The following CCBE1 variants were observed in gnomAD, a reference collection of about 807,000 sequenced individuals.
CCBE1 encodes collagen and calcium binding EGF domains 1, also known as collagen and calcium-binding EGF domain-containing protein 1.
CCBE1 carries 37 observed loss-of-function variants against 50.0 expected under a neutral mutation model. The ratio of observed to expected loss-of-function variants is 0.74; its 90% CI spans 0.57 to 0.97. CCBE1 has a LOEUF of 0.97. CCBE1 is among the 50% of genes least tolerant of loss of function. The probability of loss-of-function intolerance (pLI) is 0.00; values close to 1 mark genes in which losing one functional copy is unlikely to be tolerated. For synonymous variants in CCBE1, 234 were observed against 203.7 expected (o/e 1.15, Z -1.27); for missense variants, 538 against 523.8 (o/e 1.03, Z -0.26).
chr18:59,660,152 T>C (rs2054263118), intron 2 of CCBE1, among the ~76,000 whole-genome samples: 1 of 152,182 alleles, frequency 6.6e-6, no homozygotes, highest in Non-Finnish European at 1.5e-5. Context: ...AAATCCAGCC[T>C]GCACTCCCTC....
rs1370114025 is a variant in CCBE1, at chr18:59,470,496, A to C, written c.266-889T>G. 2.0e-5 allele frequency among the ~76,000 whole-genome samples: 3 copies of C among 152,154 alleles called. No homozygotes were observed. In the East Asian group the frequency reaches 5.8e-4, roughly 29 times the overall value. On this transcript the variant is annotated intron_variant, in intron 3 of 10. Coordinates refer to ENST00000439986, the MANE Select transcript of CCBE1 (RefSeq NM_133459.4). ...CGATGCTTATGTGTGTATACTGTAT[A>C]AGTGTGCATCCTGGGGGGTTGATCT... is the stretch of plus-strand genomic sequence containing the variant.
chr18:59,498,608 G>A (rs1032553139), intron 2 of CCBE1, among the ~76,000 whole-genome samples: 3 of 152,212 alleles, frequency 2.0e-5, no homozygotes, highest in Non-Finnish European at 2.9e-5. Context: ...AGCAAAGCAG[G>A]CAAGAGTAAG....
chr18:59,613,765 G>C (rs2053600898), intron 2 of CCBE1, among the ~76,000 whole-genome samples: 1 of 150,434 alleles, frequency 6.6e-6, no homozygotes, highest in Admixed American at 6.6e-5. Context: ...ATATCAATAT[G>C]GTTAGTTCTT....
intron 6 of CCBE1, among the ~76,000 whole-genome samples, chr18:59,451,598 T>TGGTGGA (rs1320651753): frequency 6.6e-6 from 1 of 152,098 alleles, no homozygotes; most frequent in African/African-American, 2.4e-5. Flanking sequence ...ACAGAAGAAG[T>TGGTGGA]GGTGGAGGTG....
chr18:59,618,205 T>C (rs1005456588), intron 2 of CCBE1, among the ~76,000 whole-genome samples: 3 of 152,012 alleles, frequency 2.0e-5, no homozygotes, highest in Admixed American at 1.3e-4. Context: ...CCCCAGCTAC[T>C]TGGGAGGCAT....
chr18:59,641,635 A>G (rs765189025), intron 2 of CCBE1, among the ~76,000 whole-genome samples: 6 of 152,236 alleles, frequency 3.9e-5, no homozygotes, highest in Non-Finnish European at 5.9e-5. Context: ...AGAACCACCA[A>G]AATATTCCTG....
intron 2 of CCBE1, among the ~76,000 whole-genome samples, chr18:59,599,821 T>C (rs114072946): frequency 6.6e-6 from 1 of 152,308 alleles, no homozygotes; most frequent in African/African-American, 2.4e-5. Flanking sequence ...GAAACAGACT[T>C]AGGCATTTCT....
chr18:59,491,644 T>A (rs567440378), intron 2 of CCBE1, among the ~76,000 whole-genome samples: 1 of 151,844 alleles, frequency 6.6e-6, no homozygotes, highest in Admixed American at 6.6e-5. Context: ...CAAAATCCCA[T>A]CTCTACCAAA....
intron 2 of CCBE1, among the ~76,000 whole-genome samples, chr18:59,643,740 G>A (rs188538968): frequency 9.4e-4 from 141 of 150,080 alleles, no homozygotes; most frequent in African/African-American, 3.4e-3. Flanking sequence ...AGAATCGTTT[G>A]AACCCGCAGG....
At position 59,697,401 on chromosome 18, in the gene CCBE1, C is replaced by T. The variant is rs1262992736; in HGVS notation, c.-59G>A. On this transcript the variant is annotated 5_prime_UTR_variant, in exon 1 of 11. Coordinates refer to ENST00000439986, the MANE Select transcript of CCBE1 (RefSeq NM_133459.4). ...CTCCGTCCGGACCAAGCGTCCTGCT[C>T]CTCCGCGGCCGCCGCCGCCTTCCCT... The T allele has an allele frequency of 2.0e-6, 3 of 1,515,434 alleles. No homozygotes were observed. The African/African-American group carries it at 4.2e-5, about 21-fold the overall frequency. The allele number at this position is 1,515,434 out of a possible 1,614,324, so 93.9% of individuals were successfully genotyped here.
intron 2 of CCBE1, among the ~76,000 whole-genome samples, chr18:59,544,172 G>A (rs1206328649): frequency 6.6e-6 from 1 of 152,128 alleles, no homozygotes; most frequent in Non-Finnish European, 1.5e-5. Flanking sequence ...AGCACTACAG[G>A]AATATTTTAA....
chr18:59,577,176 C>T (rs573581162), intron 2 of CCBE1, among the ~76,000 whole-genome samples: 106 of 152,198 alleles, frequency 7.0e-4, no homozygotes, highest in Non-Finnish European at 1.4e-3. Flanking sequence ...AAAGGGATGG[C>T]GAAGGTTGAG....
intron 2 of CCBE1, among the ~76,000 whole-genome samples, chr18:59,560,025 G>C (rs2052711157): frequency 6.6e-6 from 1 of 152,142 alleles, no homozygotes; most frequent in Non-Finnish European, 1.5e-5. Flanking sequence ...CATATGTCAT[G>C]GTCTTACTGA....
chr18:59,610,285 A>G (rs898474218), intron 2 of CCBE1, among the ~76,000 whole-genome samples: 3 of 152,198 alleles, frequency 2.0e-5, no homozygotes, highest in Non-Finnish European at 4.4e-5. Flanking sequence ...TTGGATACAA[A>G]GTCATTTATG....
intron 2 of CCBE1, among the ~76,000 whole-genome samples, chr18:59,685,214 G>A (rs1176390308): frequency 6.6e-6 from 1 of 152,106 alleles, no homozygotes; most frequent in African/African-American, 2.4e-5. Flanking sequence ...AATAAAGAGT[G>A]ATGGAATTTG....
intron 2 of CCBE1, among the ~76,000 whole-genome samples, chr18:59,689,646 A>G (rs1436743041): frequency 6.6e-6 from 1 of 152,230 alleles, no homozygotes; most frequent in Admixed American, 6.5e-5. Context: ...TTGGAGGGGC[A>G]TGCCTTCTTT....
intron 2 of CCBE1, among the ~76,000 whole-genome samples, chr18:59,636,569 A>T (rs2053919612): frequency 6.6e-6 from 1 of 152,242 alleles, no homozygotes; most frequent in African/African-American, 2.4e-5. Flanking sequence ...AAACCTAGAC[A>T]GAGCAAGACT....
rs542645152 is a variant in CCBE1 at position 59,683,023 on chromosome 18, C to T, written c.212+13606G>A. 5.9e-5 allele frequency among the ~76,000 whole-genome samples: 9 copies of T among 152,332 alleles called. No homozygotes were observed. In the South Asian group the frequency reaches 1.9e-3, roughly 32 times the overall value. The stretch of plus-strand genomic sequence containing the variant: ...TTCTTTTTTCCAAACCTAACAATCT[C>T]CATTCCCTTGGGTAGGTCAGCTGGG... On this transcript the variant is annotated intron_variant, in intron 2 of 10. Coordinates refer to ENST00000439986, the MANE Select transcript of CCBE1 (RefSeq NM_133459.4).
chr18:59,495,839 G>T (rs1272188517), intron 2 of CCBE1, among the ~76,000 whole-genome samples: 4 of 152,156 alleles, frequency 2.6e-5, no homozygotes, highest in Non-Finnish European at 5.9e-5. Context: ...CTCTCGGGTG[G>T]TAATGACCTC....
Sources: gnomAD v4.1 joint callset for allele counts (sites outside exome capture counted in the v4.1 genomes callset) on GRCh38, gnomAD v4.1.1 for gene constraint, MANE v1.5 for transcripts, NCBI Gene and HGNC (gene_info 2026-07-23, HGNC 2026-07-21) for gene names.